Variants in BMPR1B observed in about 807,000 individuals in gnomAD.
BMPR1B encodes the protein bone morphogenetic protein receptor type 1B, also known as bone morphogenetic protein receptor type-1B.
Under a neutral mutation model 59.1 loss-of-function variants are expected in BMPR1B, and 12 were observed. The ratio of observed to expected loss-of-function variants is 0.20; its 90% CI spans 0.13 to 0.33. The LOEUF (loss-of-function observed/expected upper bound fraction) is 0.33, where lower values mean the gene tolerates loss of function less well. Among genes scored for constraint, BMPR1B ranks in the 10% least tolerant of loss-of-function variants. The pLI is 1.00. For synonymous variants in BMPR1B, 237 were observed against 207.3 expected (o/e 1.14, Z -1.23); for missense variants, 550 against 610.9 (o/e 0.90, Z 1.05).
chr4:95,093,044 ATG>A (rs2149250850), intron 3 of BMPR1B, among the ~76,000 whole-genome samples: 1 of 152,222 alleles, frequency 6.6e-6, no homozygotes, highest in South Asian at 2.1e-4. Flanking sequence ...TTTTCTAACA[ATG>A]TGGAGCTGAA....
At chr4:94,793,264 G>A (rs1328041462) in intron 1 of BMPR1B, among the ~76,000 whole-genome samples, 9 of 151,646 alleles carry the variant, frequency 5.9e-5, no homozygotes, top group South Asian at 2.1e-4. Context: ...GAGAATATGC[G>A]GTGTTTGTTT....
chr4:94,846,943 G>T (rs1285992341), intron 1 of BMPR1B, among the ~76,000 whole-genome samples: 1 of 151,888 alleles, frequency 6.6e-6, no homozygotes, highest in Non-Finnish European at 1.5e-5. Context: ...AGCAAAAATG[G>T]ACAAATGGCA....
intron 1 of BMPR1B, among the ~76,000 whole-genome samples, chr4:94,784,082 C>A (rs142141540): frequency 6.6e-6 from 1 of 152,158 alleles, no homozygotes; most frequent in Non-Finnish European, 1.5e-5. Flanking sequence ...GCTTCTTGCT[C>A]TTAAGACAAT....
intron 2 of BMPR1B, among the ~76,000 whole-genome samples, chr4:94,940,467 T>C (rs1211944559): frequency 6.6e-6 from 1 of 152,242 alleles, no homozygotes; most frequent in Admixed American, 6.5e-5. Context: ...TCCTTGGGGA[T>C]TAAAATTTCT....
At chr4:94,817,047 C>T (rs893064053) in intron 1 of BMPR1B, among the ~76,000 whole-genome samples, 2 of 152,100 alleles carry the variant, frequency 1.3e-5, no homozygotes, top group African/African-American at 2.4e-5. Context: ...TCACTTTGTT[C>T]TGATATTCTG....
intron 1 of BMPR1B, among the ~76,000 whole-genome samples, chr4:94,837,354 A>T (rs1188944046): frequency 1.4e-5 from 2 of 146,734 alleles, no homozygotes; most frequent in African/African-American, 2.5e-5. Flanking sequence ...CTTGGGCAGT[A>T]TGGCCATTTT....
chr4:95,114,855 A>T (rs770220808), intron 5 of BMPR1B, 33 bp downstream of exon 5: 1 of 1,535,948 alleles, frequency 6.5e-7, no homozygotes, highest in East Asian at 2.2e-5. Context: ...GTAACCTTTC[A>T]TTGGCTAGAT....
At chr4:94,966,394 A>G (rs1349194926) in intron 2 of BMPR1B, among the ~76,000 whole-genome samples, 1 of 152,194 alleles carries the variant, frequency 6.6e-6, no homozygotes, top group Non-Finnish European at 1.5e-5. Flanking sequence ...AGGAACAAAA[A>G]TAGCATCAGG....
At chr4:94,897,847 A>G (rs1278570883) in intron 2 of BMPR1B, among the ~76,000 whole-genome samples, 1 of 150,944 alleles carries the variant, frequency 6.6e-6, no homozygotes, top group Admixed American at 6.6e-5. Flanking sequence ...TGATTTGGGT[A>G]TATATTCTTA....
Position 95,020,330 on chromosome 4 carries a change from A to G in BMPR1B, c.-18+24196A>G, listed in dbSNP as rs530045604. Among the ~76,000 whole-genome samples, 15 of 152,356 alleles carry G rather than the reference A, an allele frequency of 9.8e-5. No individual in the cohort carries two copies. The East Asian group carries it at 2.9e-3, about 29-fold the overall frequency. ...CGCAGTGGCTTACGCCTGTAATCCCAGCACTTTGGGAGGCCGAGGCGGGCA... is the reference window on the plus strand; with the variant it reads ...CGCAGTGGCTTACGCCTGTAATCCCGGCACTTTGGGAGGCCGAGGCGGGCA... On this transcript the variant is annotated intron_variant, in intron 3 of 12. Coordinates refer to ENST00000515059, the MANE Select transcript of BMPR1B (RefSeq NM_001203.3).
intron 3 of BMPR1B, among the ~76,000 whole-genome samples, chr4:95,017,614 C>G (rs895566865): frequency 6.6e-6 from 1 of 152,180 alleles, no homozygotes; most frequent in Non-Finnish European, 1.5e-5. Context: ...TGGCACTTAG[C>G]ATCAGTATTT....
chr4:95,124,172 A>G (rs982995278), intron 7 of BMPR1B, among the ~76,000 whole-genome samples: 3 of 152,076 alleles, frequency 2.0e-5, no homozygotes, highest in Non-Finnish European at 2.9e-5. Flanking sequence ...TAGAGACTTC[A>G]GAGACTGGTT....
intron 2 of BMPR1B, among the ~76,000 whole-genome samples, chr4:94,881,961 GGCT>G (rs1177569485): frequency 6.6e-6 from 1 of 152,114 alleles, no homozygotes; most frequent in East Asian, 1.9e-4. Context: ...CTATGCACCT[GGCT>G]AAATTAATGA....
In BMPR1B at chr4:94,955,342, C is replaced by T. The variant is rs140521783; in HGVS notation, c.-112-40698C>T. Among the ~76,000 whole-genome samples the T allele has an allele frequency of 3.3e-3, 506 of 152,122 alleles. 1 individual carries two copies. Among genetic ancestry groups the T allele is most frequent in the Middle Eastern group, 0.014 (4 of 294 alleles). ...GATTACTTAAGCTTAATATACACAGCAGTGAAAAATGAAAATTAATTAAAA... is the reference window on the plus strand; with the variant it reads ...GATTACTTAAGCTTAATATACACAGTAGTGAAAAATGAAAATTAATTAAAA... On this transcript the variant is annotated intron_variant, in intron 2 of 12. Transcript: ENST00000515059.
At chr4:94,810,201 G>T (rs1390082428) in intron 1 of BMPR1B, among the ~76,000 whole-genome samples, 2 of 152,088 alleles carry the variant, frequency 1.3e-5, no homozygotes, top group Non-Finnish European at 2.9e-5. Flanking sequence ...TTGCTTTCAA[G>T]CCCATCGAAG....
intron 3 of BMPR1B, among the ~76,000 whole-genome samples, chr4:95,095,951 T>G (rs1019729197): frequency 2.0e-5 from 3 of 151,820 alleles, no homozygotes; most frequent in Non-Finnish European, 4.4e-5. Flanking sequence ...TAGGATGTAA[T>G]GGATTAATTT....
intron 3 of BMPR1B, among the ~76,000 whole-genome samples, chr4:95,051,949 C>G (rs1578995311): frequency 7.9e-6 from 1 of 126,142 alleles, no homozygotes; most frequent in Non-Finnish European, 1.9e-5. Flanking sequence ...GCAAGGCTTT[C>G]TAAGTACTCT....
chr4:94,913,163 A>T (rs1455539438), intron 2 of BMPR1B, among the ~76,000 whole-genome samples: 2 of 152,154 alleles, frequency 1.3e-5, no homozygotes, highest in African/African-American at 4.8e-5. Context: ...CTATTATGAA[A>T]TAATTTTCAA....
At chr4:94,965,630 A>G (rs1432918491) in intron 2 of BMPR1B, among the ~76,000 whole-genome samples, 2 of 152,220 alleles carry the variant, frequency 1.3e-5, no homozygotes, top group East Asian at 3.8e-4. Flanking sequence ...GAGAAAACAT[A>G]GACAATTAAT....
Sources: gnomAD v4.1 joint callset for allele counts (sites outside exome capture counted in the v4.1 genomes callset) on GRCh38, gnomAD v4.1.1 for gene constraint, MANE v1.5 for transcripts, NCBI Gene and HGNC (gene_info 2026-07-23, HGNC 2026-07-21) for gene names.